The following HGSNAT variants were observed in gnomAD, a reference collection of about 807,000 sequenced individuals.
The protein encoded by HGSNAT is heparan-alpha-glucosaminide N-acetyltransferase.
HGSNAT carries 59 observed loss-of-function variants against 85.2 expected under a neutral mutation model. That is an observed-to-expected ratio of 0.69 (90% CI 0.56 to 0.86). The LOEUF is 0.86. Ranked by LOEUF, HGSNAT falls within the 40% of genes least tolerant of loss-of-function variation. The pLI is 0.00. For missense variants in HGSNAT, 756 were observed against 777.1 expected, an observed-to-expected ratio of 0.97 and a Z score of 0.32; for synonymous variants, 321 against 304.5, an observed-to-expected ratio of 1.05 and a Z score of -0.56.
rs1554537841 is a variant in HGSNAT, at chr8:43,197,900, C to G, written c.1674C>G (p.Tyr558Ter). The G allele has an allele frequency of 6.2e-7, 1 of 1,613,964 alleles. No homozygotes were observed. The highest frequency in any genetic ancestry group is 1.3e-5 in the African/African-American group (1 of 75,042). The part of the protein sequence containing the change: ...SFAFFILLVL[Y>*]PVVDVKGLWT... ...CCTTCTTCATCCTGCTGGTCCTGTA[C>G]CCAGTTGTGGATGTGAAGGGGCTGT... Residue 558 changes from tyrosine to a stop codon, truncating the protein, a stop_gained, in exon 17 of 18, where the codon TAC becomes TAG. Coordinates refer to ENST00000379644, the MANE Select transcript of HGSNAT (RefSeq NM_152419.3). LOFTEE classifies it high-confidence loss of function.
intron 11 of HGSNAT, among the ~76,000 whole-genome samples, chr8:43,186,302 CT>C (rs2130792812): frequency 1.3e-5 from 2 of 152,270 alleles, no homozygotes; most frequent in South Asian, 4.1e-4. Context: ...TTAATTATTG[CT>C]TCAATTTCAG....
chr8:43,194,271 C>T (rs749132406), intron 14 of HGSNAT: 41 of 520,512 alleles, frequency 7.9e-5, no homozygotes, highest in Non-Finnish European at 1.0e-4. Context: ...TGATGGCACA[C>T]ACCTGTAGTC....
chr8:43,170,692 G>A lies in HGSNAT; in HGVS notation c.741G>A (p.Arg247=), dbSNP rs775663094. ...GCCTCCGCAGCGTGGACACCTTCAGGGGGTATGTGGGCCTCCCTGTAGCAC... is the reference window on the plus strand; with the variant it reads ...GCCTCCGCAGCGTGGACACCTTCAGAGGGTATGTGGGCCTCCCTGTAGCAC... ...PPRLRSVDTF[R]GIALILMVFV... Residue 247 remains arginine, a splice_region_variant and synonymous_variant, in exon 7 of 18, where the codon AGG becomes AGA. Transcript: ENST00000379644. 1.7e-4 allele frequency: 275 copies of A among 1,590,436 alleles called. 1 individual carries two copies. The highest frequency in any genetic ancestry group is 2.1e-4 in the Non-Finnish European group (245 of 1,168,310).
At chr8:43,189,639 G>A (rs1563380591) in intron 11 of HGSNAT, among the ~76,000 whole-genome samples, 2 of 152,332 alleles carry the variant, frequency 1.3e-5, no homozygotes, top group Middle Eastern at 3.4e-3. Context: ...GCCCCAGTGA[G>A]ATGAACCCGG....
intron 2 of HGSNAT, among the ~76,000 whole-genome samples, chr8:43,155,000 G>A (rs1019343170): frequency 6.6e-6 from 1 of 152,232 alleles, no homozygotes; most frequent in African/African-American, 2.4e-5. Context: ...CTTTTGAGAA[G>A]TGTCTGTTCA....
chr8:43,194,555 A>G, intron 14 of HGSNAT: 4 of 973,544 alleles, frequency 4.1e-6, no homozygotes, highest in Non-Finnish European at 4.9e-6. Flanking sequence ...GGTAATTCAT[A>G]AAGAACAGTA....
At chr8:43,193,721 G>T in intron 13 of HGSNAT, 36 bp from the exon 14 acceptor site, 2 of 1,402,908 alleles carry the variant, frequency 1.4e-6, no homozygotes, top group Non-Finnish European at 2.0e-6. Flanking sequence ...TTTCAGATCA[G>T]TGAGTGAGTG....
intron 14 of HGSNAT, chr8:43,196,044 G>A (rs779866571): frequency 2.6e-4 from 50 of 191,634 alleles, no homozygotes; most frequent in Admixed American, 1.5e-3. Flanking sequence ...CACTGGAGCG[G>A]TCAGTCCAGT....
chr8:43,167,782 T>C (rs1363866335), intron 5 of HGSNAT, among the ~76,000 whole-genome samples: 1 of 152,224 alleles, frequency 6.6e-6, no homozygotes, highest in East Asian at 1.9e-4. Context: ...AATTTGTTTA[T>C]GCCAGGGTAG....
rs80047954 is a variant in HGSNAT at position 43,178,019 on chromosome 8, T to C, written c.852-55T>C. 1.2e-4 allele frequency: 162 copies of C among 1,395,180 alleles called. 1 individual carries two copies. The highest frequency in any genetic ancestry group is 9.2e-4 in the Middle Eastern group (5 of 5,438). The allele number at this position is 1,395,180 out of a possible 1,614,324, so 86.4% of individuals were successfully genotyped here. On this transcript the variant is annotated intron_variant, in intron 9 of 17. Transcript: ENST00000379644. Reference sequence around the variant, plus strand: ...ATAGCATATTATAAAATGTTACTGATATATAGACAAAAAATTTGGAAATGG... The same window carrying C: ...ATAGCATATTATAAAATGTTACTGACATATAGACAAAAAATTTGGAAATGG...
intron 5 of HGSNAT, among the ~76,000 whole-genome samples, chr8:43,164,992 C>T (rs1450902404): frequency 6.6e-6 from 1 of 151,642 alleles, no homozygotes; most frequent in Non-Finnish European, 1.5e-5. Context: ...AAGCAGTCCT[C>T]CCATCTCAGC....
At position 43,191,596 on chromosome 8, in the gene HGSNAT, G is replaced by A. The variant is rs398124544; in HGVS notation, c.1250+1G>A. The A allele has an allele frequency of 2.4e-5, 39 of 1,613,654 alleles. No homozygotes were observed. The highest frequency in any genetic ancestry group is 3.1e-5 in the Non-Finnish European group (36 of 1,179,774). On this transcript the variant is annotated splice_donor_variant, in intron 12 of 17. Transcript: ENST00000379644. LOFTEE classifies it high-confidence loss of function. ...TCCTGCCAGTCCCTGGGTGCCCTACGTAAGCGAACCCCTGGGGGTCATCCC... is the reference window on the plus strand; with the variant it reads ...TCCTGCCAGTCCCTGGGTGCCCTACATAAGCGAACCCCTGGGGGTCATCCC...
intron 1 of HGSNAT, among the ~76,000 whole-genome samples, chr8:43,141,497 G>A (rs542858536): frequency 5.6e-4 from 85 of 152,272 alleles, no homozygotes; most frequent in African/African-American, 1.3e-3. Flanking sequence ...GCACCGGGGA[G>A]CCCCAGGCCC....
At position 43,194,006 on chromosome 8, in the gene HGSNAT, C is replaced by T. The variant is rs142617469; in HGVS notation, c.1464+163C>T. Reference sequence around the variant, plus strand: ...ACAGATTGTGCAGAACCAAAAGTTACTGAAATTCAGCACATTCAAGTAATT... The same window carrying T: ...ACAGATTGTGCAGAACCAAAAGTTATTGAAATTCAGCACATTCAAGTAATT... On this transcript the variant is annotated intron_variant, in intron 14 of 17. Coordinates refer to ENST00000379644, the MANE Select transcript of HGSNAT (RefSeq NM_152419.3). 8.9e-5 allele frequency: 123 copies of T among 1,380,124 alleles called. No homozygotes were observed. The East Asian group carries it at 3.0e-3, about 34-fold the overall frequency. The allele number at this position is 1,380,124 out of a possible 1,614,324, so 85.5% of individuals were successfully genotyped here. A position where few individuals can be genotyped will look rare whatever the true frequency, so the allele number is the denominator to read the frequency against.
intron 10 of HGSNAT, among the ~76,000 whole-genome samples, chr8:43,181,490 C>T (rs1245961255): frequency 1.3e-5 from 2 of 151,986 alleles, no homozygotes; most frequent in East Asian, 1.9e-4. Flanking sequence ...AGACAATGGC[C>T]AAATGGAGCC....
At chr8:43,153,649 A>G (rs991813505) in intron 2 of HGSNAT, among the ~76,000 whole-genome samples, 1 of 152,212 alleles carries the variant, frequency 6.6e-6, no homozygotes, top group Non-Finnish European at 1.5e-5. Flanking sequence ...CTACTGTGCC[A>G]TGTGTCACCA....
intron 10 of HGSNAT, among the ~76,000 whole-genome samples, chr8:43,178,858 C>T (rs1296118339): frequency 6.8e-6 from 1 of 147,546 alleles, no homozygotes; most frequent in Non-Finnish European, 1.5e-5. Context: ...CAAAGCACAT[C>T]TTGCACCACC....
At chr8:43,186,137 A>T (rs1002602512) in intron 11 of HGSNAT, among the ~76,000 whole-genome samples, 6 of 152,142 alleles carry the variant, frequency 3.9e-5, no homozygotes, top group African/African-American at 1.4e-4. Context: ...TGGTATCAGG[A>T]TGATGCTGGC....
intron 8 of HGSNAT, among the ~76,000 whole-genome samples, chr8:43,173,094 C>T (rs1379746498): frequency 6.6e-6 from 1 of 152,184 alleles, no homozygotes; most frequent in Non-Finnish European, 1.5e-5. Context: ...AAGCAATCCT[C>T]CCACCTCAGC....
Sources: gnomAD v4.1 joint callset for allele counts (sites outside exome capture counted in the v4.1 genomes callset) on GRCh38, gnomAD v4.1.1 for gene constraint, MANE v1.5 for transcripts, NCBI Gene and HGNC (gene_info 2026-07-23, HGNC 2026-07-21) for gene names.